PSD2: variants seen among roughly 807,000 people sequenced by gnomAD.
The protein encoded by PSD2 is pleckstrin and Sec7 domain containing 2, also known as PH and SEC7 domain-containing protein 2.
PSD2 carries 38 observed loss-of-function variants against 69.8 expected under a neutral mutation model. That is an observed-to-expected ratio of 0.54 (90% CI 0.42 to 0.71). The LOEUF (loss-of-function observed/expected upper bound fraction) is 0.71. Among genes scored for constraint, PSD2 ranks in the 30% least tolerant of loss-of-function variants. PSD2 has a pLI of 0.00. For synonymous variants in PSD2, 412 were observed against 423.0 expected, an observed-to-expected ratio of 0.97 and a Z score of 0.32; for missense variants, 943 against 1,014.5, an observed-to-expected ratio of 0.93 and a Z score of 0.96.
chr5:139,749,953 C>T, the PSD2 span, among the ~76,000 whole-genome samples: 3 of 151,924 alleles, frequency 2.0e-5, no homozygotes, highest in Non-Finnish European at 2.9e-5. Flanking sequence ...ATGGTTTGAA[C>T]CCAGGAGGTT....
chr5:139,756,233 C>A, the PSD2 span, among the ~76,000 whole-genome samples: 2 of 152,222 alleles, frequency 1.3e-5, no homozygotes, highest in African/African-American at 4.8e-5. Context: ...GCTGCGCCCC[C>A]CCTTTCATGT....
At chr5:139,840,552 ATTTTTT>A (rs200975712) in intron 14 of PSD2, among the ~76,000 whole-genome samples, 4 of 141,012 alleles carry the variant, frequency 2.8e-5, no homozygotes, top group Non-Finnish European at 4.7e-5. Flanking sequence ...TCTCATTACT[ATTTTTT>A]TTTTTTTTTT....
intron 1 of PSD2, among the ~76,000 whole-genome samples, chr5:139,808,437 C>T (rs1412652529): frequency 1.3e-5 from 2 of 152,318 alleles, no homozygotes; most frequent in African/African-American, 2.4e-5. Flanking sequence ...CCTCATTTTA[C>T]AGAAGAGAAA....
At chr5:139,757,532 C>T in the PSD2 span, among the ~76,000 whole-genome samples, 35 of 152,104 alleles carry the variant, frequency 2.3e-4, no homozygotes, top group African/African-American at 7.5e-4. Flanking sequence ...CCCCCTTCTT[C>T]CCCCAAAGAA....
the PSD2 span, among the ~76,000 whole-genome samples, chr5:139,767,419 A>G: frequency 1.3e-5 from 2 of 152,062 alleles, no homozygotes; most frequent in African/African-American, 2.4e-5. Flanking sequence ...GATTCAAGGG[A>G]TTCTTATGCC....
the PSD2 span, among the ~76,000 whole-genome samples, chr5:139,783,943 C>CTTTTT: frequency 5.6e-3 from 491 of 87,870 alleles, 45 homozygotes; most frequent in African/African-American, 0.02. Context: ...TCTGCTAGCT[C>CTTTTT]TTTTTTTTTT....
chr5:139,767,112 C>A, the PSD2 span, among the ~76,000 whole-genome samples: 3 of 150,818 alleles, frequency 2.0e-5, no homozygotes, highest in Admixed American at 1.3e-4. Context: ...ACTGCCTCAG[C>A]CTCCCGAGTA....
At chr5:139,828,104 G>A (rs146884356) in intron 7 of PSD2, among the ~76,000 whole-genome samples, 35 of 152,304 alleles carry the variant, frequency 2.3e-4, no homozygotes, top group African/African-American at 7.7e-4. Flanking sequence ...AGTGGGGGAT[G>A]TCAGAGAACG....
At chr5:139,799,025 T>C (rs1465271331) in intron 1 of PSD2, among the ~76,000 whole-genome samples, 1 of 152,208 alleles carries the variant, frequency 6.6e-6, no homozygotes, top group East Asian at 1.9e-4. Context: ...TCTCACATCC[T>C]GGATTTGTCT....
At chr5:139,776,237 T>C in the PSD2 span, among the ~76,000 whole-genome samples, 1 of 152,226 alleles carries the variant, frequency 6.6e-6, no homozygotes, top group Non-Finnish European at 1.5e-5. Context: ...CTGAATCTCC[T>C]CTGGGCATCG....
At chr5:139,762,580 A>G in the PSD2 span, among the ~76,000 whole-genome samples, 1 of 152,166 alleles carries the variant, frequency 6.6e-6, no homozygotes, top group African/African-American at 2.4e-5. Context: ...ATTGTTGCCT[A>G]TTGTTAGTTG....
At chr5:139,777,689 G>A in the PSD2 span, among the ~76,000 whole-genome samples, 2 of 152,138 alleles carry the variant, frequency 1.3e-5, no homozygotes, top group Non-Finnish European at 2.9e-5. Context: ...TTCGAGATGA[G>A]CCTGTGCAAC....
chr5:139,745,375 G>GC, the PSD2 span: 1 of 152,680 alleles, frequency 6.5e-6, no homozygotes. Flanking sequence ...ACACACTCAG[G>GC]CCCCCCTACC....
At chr5:139,807,197 G>A (rs75114899) in intron 1 of PSD2, among the ~76,000 whole-genome samples, 2,353 of 152,324 alleles carry the variant, frequency 0.015, 71 homozygotes, top group African/African-American at 0.054. Flanking sequence ...CCCTAGGTAT[G>A]TGTAGGGGAG....
chr5:139,841,949 C>T (rs760285270), intron 14 of PSD2, among the ~76,000 whole-genome samples: 3 of 152,098 alleles, frequency 2.0e-5, no homozygotes, highest in Non-Finnish European at 4.4e-5. Flanking sequence ...CTGTAGGTTG[C>T]CTTTTCATTC....
intron 7 of PSD2, among the ~76,000 whole-genome samples, chr5:139,830,698 T>A (rs1760577224): frequency 7.1e-6 from 1 of 140,980 alleles, no homozygotes; most frequent in African/African-American, 2.7e-5. Flanking sequence ...TCTTTTTTTT[T>A]TTTTAGAGAC....
rs569985570 is a variant in PSD2, at chr5:139,843,275, G to T, written c.*801G>T. The T allele has an allele frequency of 6.6e-6, 1 of 152,356 alleles. No homozygotes were observed. Among genetic ancestry groups the T allele is most frequent in the African/African-American group, 2.4e-5 (1 of 41,588 alleles). 9.4% of individuals were successfully genotyped at this position (152,356 alleles called of 1,614,324 possible). ...CCCCCTGGCATTCCTGACGCTCTAG[G>T]AGGGAAGGGGGAGGCAGTGCTGGCC... On this transcript the variant is annotated 3_prime_UTR_variant, in exon 15 of 15. Transcript: ENST00000274710.
chr5:139,756,225 T>TGCGCCCCCCCTTTCATGTCTGCC, the PSD2 span, among the ~76,000 whole-genome samples: 22 of 152,270 alleles, frequency 1.4e-4, no homozygotes, highest in Non-Finnish European at 2.8e-4. Flanking sequence ...GGACTGCCGC[T>TGCGCCCCCCCTTTCATGTCTGCC]GCGCCCCCCC....
the PSD2 span, among the ~76,000 whole-genome samples, chr5:139,778,953 A>C: frequency 1.3e-5 from 2 of 151,688 alleles, no homozygotes; most frequent in African/African-American, 2.4e-5. Flanking sequence ...AACAAAAAAA[A>C]AAAAAAAAAG....
Sources: gnomAD v4.1 joint callset for allele counts (sites outside exome capture counted in the v4.1 genomes callset) on GRCh38, gnomAD v4.1.1 for gene constraint, MANE v1.5 for transcripts, NCBI Gene and HGNC (gene_info 2026-07-23, HGNC 2026-07-21) for gene names.